The following TMEM132D variants were observed in gnomAD, a reference collection of about 807,000 sequenced individuals.
TMEM132D encodes transmembrane protein 132D.
TMEM132D carries 21 observed loss-of-function variants against 62.3 expected under a neutral mutation model. The ratio of observed to expected loss-of-function variants is 0.34; its 90% confidence interval spans 0.24 to 0.49. The LOEUF (loss-of-function observed/expected upper bound fraction) is 0.49, where lower values mean the gene tolerates loss of function less well. TMEM132D is among the 20% of genes least tolerant of loss of function. The pLI is 0.99. For missense variants in TMEM132D, 1,346 were observed against 1,402.8 expected (o/e 0.96, Z 0.65); for synonymous variants, 621 against 575.6 (o/e 1.08, Z -1.13).
At chr12:129,646,009 T>C (rs1394330333) in intron 2 of TMEM132D, among the ~76,000 whole-genome samples, 2 of 152,182 alleles carry the variant, frequency 1.3e-5, no homozygotes, top group Non-Finnish European at 2.9e-5. Flanking sequence ...CAACCATATA[T>C]ATGGCCAGTC....
At chr12:129,425,525 A>G (rs1872470449) in intron 3 of TMEM132D, among the ~76,000 whole-genome samples, 1 of 152,110 alleles carries the variant, frequency 6.6e-6, no homozygotes, top group African/African-American at 2.4e-5. Context: ...CATCTTGGAA[A>G]CACAATAAAC....
chr12:129,218,721 T>C (rs1244425697), intron 4 of TMEM132D, among the ~76,000 whole-genome samples: 2 of 152,220 alleles, frequency 1.3e-5, no homozygotes, highest in Non-Finnish European at 2.9e-5. Context: ...TGCAAACTTT[T>C]TGTTTCTTTA....
chr12:129,568,334 C>A (rs1877422259), intron 2 of TMEM132D, among the ~76,000 whole-genome samples: 1 of 152,180 alleles, frequency 6.6e-6, no homozygotes, highest in African/African-American at 2.4e-5. Context: ...ATCCTGTCAC[C>A]CCCTGGTCCA....
intron 4 of TMEM132D, among the ~76,000 whole-genome samples, chr12:129,235,118 A>G (rs2135580750): frequency 6.6e-6 from 1 of 152,318 alleles, no homozygotes; most frequent in Admixed American, 6.5e-5. Flanking sequence ...TTCCCACAGT[A>G]CACCAGCCTC....
At chr12:129,778,102 G>A (rs1871000822) in intron 1 of TMEM132D, among the ~76,000 whole-genome samples, 1 of 114,162 alleles carries the variant, frequency 8.8e-6, no homozygotes. Context: ...GCAACAGAGT[G>A]AGACCCTGTC....
At chr12:129,160,154 C>T (rs1353994543) in intron 5 of TMEM132D, among the ~76,000 whole-genome samples, 1 of 152,200 alleles carries the variant, frequency 6.6e-6, no homozygotes. Flanking sequence ...ACTGCATCAA[C>T]TCCTGGTGTA....
intron 2 of TMEM132D, among the ~76,000 whole-genome samples, chr12:129,542,495 T>C (rs1876610062): frequency 6.6e-6 from 1 of 152,178 alleles, no homozygotes; most frequent in South Asian, 2.1e-4. Flanking sequence ...AAAAATGGTA[T>C]AGAAACGTTA....
chr12:129,335,127 C>CTTT (rs386378228), intron 4 of TMEM132D, among the ~76,000 whole-genome samples: 3,679 of 104,422 alleles, frequency 0.035, 392 homozygotes, highest in East Asian at 0.32. Context: ...CTAATAAGTA[C>CTTT]TTTTTTTTTT....
chr12:129,852,624 C>T (rs149578987), intron 1 of TMEM132D: 1 of 152,206 alleles, frequency 6.6e-6, no homozygotes, highest in East Asian at 1.9e-4. Context: ...GGGTCTCAAG[C>T]CTATTGTGTA....
At chr12:129,464,633 T>C (rs1273717981) in intron 3 of TMEM132D, among the ~76,000 whole-genome samples, 1 of 152,350 alleles carries the variant, frequency 6.6e-6, no homozygotes, top group African/African-American at 2.4e-5. Context: ...TAATCCATCT[T>C]GAATTAATTT....
At chr12:129,567,308 A>G (rs1052022088) in intron 2 of TMEM132D, among the ~76,000 whole-genome samples, 1 of 152,232 alleles carries the variant, frequency 6.6e-6, no homozygotes, top group Non-Finnish European at 1.5e-5. Context: ...CCAATTCATG[A>G]TATTATACAA....
chr12:129,654,993 G>C (rs1046053437), intron 2 of TMEM132D, among the ~76,000 whole-genome samples: 33 of 151,772 alleles, frequency 2.2e-4, no homozygotes, highest in African/African-American at 6.8e-4. Context: ...TGTCGCCCAG[G>C]CTGGAGTGCA....
intron 4 of TMEM132D, among the ~76,000 whole-genome samples, chr12:129,333,707 A>G (rs532330689): frequency 6.6e-6 from 1 of 152,246 alleles, no homozygotes; most frequent in East Asian, 1.9e-4. Flanking sequence ...CACTCTCTCC[A>G]GCCTCCCTTG....
intron 1 of TMEM132D, among the ~76,000 whole-genome samples, chr12:129,863,425 G>A (rs1873960328): frequency 6.6e-6 from 1 of 152,178 alleles, no homozygotes; most frequent in Non-Finnish European, 1.5e-5. Flanking sequence ...GGCGAGTCTG[G>A]TATTTTTAAG....
intron 2 of TMEM132D, among the ~76,000 whole-genome samples, chr12:129,578,582 G>T (rs1370656549): frequency 6.6e-6 from 1 of 151,688 alleles, no homozygotes; most frequent in African/African-American, 2.4e-5. Context: ...ATGCAGTATT[G>T]GCATATTGGC....
chr12:129,086,746 A>G (rs928059183), intron 5 of TMEM132D, among the ~76,000 whole-genome samples: 1 of 149,444 alleles, frequency 6.7e-6, no homozygotes, highest in Non-Finnish European at 1.5e-5. Flanking sequence ...ATAGCATTAT[A>G]TACATTGTAT....
chr12:129,164,976 G>T (rs994627145), intron 5 of TMEM132D, among the ~76,000 whole-genome samples: 14 of 152,210 alleles, frequency 9.2e-5, no homozygotes, highest in African/African-American at 2.7e-4. Context: ...CGAGCTAAAA[G>T]CTGGAATCCC....
intron 1 of TMEM132D, among the ~76,000 whole-genome samples, chr12:129,812,794 C>T (rs1872225726): frequency 6.6e-6 from 1 of 151,662 alleles, no homozygotes; most frequent in African/African-American, 2.4e-5. Context: ...AGATGTGGCC[C>T]CCCTTAACCT....
chr12:129,462,406 GC>G (rs1411620282), intron 3 of TMEM132D, among the ~76,000 whole-genome samples: 3 of 152,150 alleles, frequency 2.0e-5, no homozygotes, highest in African/African-American at 7.2e-5. Flanking sequence ...CTTAGACTCA[GC>G]AAGGAGTTTT....
Sources: gnomAD v4.1 joint callset for allele counts (sites outside exome capture counted in the v4.1 genomes callset) on GRCh38, gnomAD v4.1.1 for gene constraint, MANE v1.5 for transcripts, NCBI Gene and HGNC (gene_info 2026-07-23, HGNC 2026-07-21) for gene names.